Variants in CCDC18 observed in about 807,000 individuals in gnomAD.
CCDC18 encodes coiled-coil domain-containing protein 18.
CCDC18 carries 157 observed loss-of-function variants against 196.0 expected under a neutral mutation model. The observed-to-expected ratio is 0.80, with a 90% CI of 0.70 to 0.91. The LOEUF (loss-of-function observed/expected upper bound fraction) is 0.91, where lower values mean the gene tolerates loss of function less well. Ranked by LOEUF, CCDC18 falls within the 40% of genes least tolerant of loss-of-function variation. The pLI is 0.00. For missense variants in CCDC18, 1,465 were observed against 1,611.6 expected (o/e 0.91, Z 1.56); for synonymous variants, 482 against 529.2 (o/e 0.91, Z 1.22).
At chr1:93,260,384 C>CA (rs1376859837) in intron 26 of CCDC18, among the ~76,000 whole-genome samples, 5 of 151,188 alleles carry the variant, frequency 3.3e-5, no homozygotes, top group Non-Finnish European at 7.4e-5. Context: ...AACTCCGTCT[C>CA]AAAAAAAATA....
chr1:93,211,275 T>A (rs1655599861), intron 10 of CCDC18, among the ~76,000 whole-genome samples: 1 of 140,168 alleles, frequency 7.1e-6, no homozygotes. Flanking sequence ...GAGACTCCAT[T>A]AAAAAAAAAA....
chr1:93,236,918 T>C (rs1660144478), intron 19 of CCDC18, among the ~76,000 whole-genome samples: 1 of 152,210 alleles, frequency 6.6e-6, no homozygotes, highest in Admixed American at 6.5e-5. Context: ...TTAATTTGGC[T>C]AGGCTGGTCC....
At chr1:93,257,186 C>A (rs530404665) in intron 25 of CCDC18, among the ~76,000 whole-genome samples, 1 of 126,298 alleles carries the variant, frequency 7.9e-6, no homozygotes, top group African/African-American at 3.0e-5. Context: ...GAGCTGAAGT[C>A]GTGCCACTGC....
chr1:93,202,969 A>G (rs571641204), intron 7 of CCDC18, among the ~76,000 whole-genome samples: 24 of 152,230 alleles, frequency 1.6e-4, no homozygotes, highest in African/African-American at 5.5e-4. Flanking sequence ...CTGCTAGGCT[A>G]TCTCAAAGAT....
intron 21 of CCDC18, among the ~76,000 whole-genome samples, chr1:93,244,966 A>C (rs553722465): frequency 6.6e-6 from 1 of 152,312 alleles, no homozygotes; most frequent in South Asian, 2.1e-4. Context: ...ACTCTAAAGT[A>C]GCCACCCAGT....
rs1408164865 is a variant in CCDC18, at chr1:93,270,791, C to T, written c.4330C>T (p.Gln1444Ter). Reference sequence around the variant, plus strand: ...AAGACTATTAAAAAAGTCTTCTATGCAAACAGGTGCTGGTTTAAATCAGGT... The same window carrying T: ...AAGACTATTAAAAAAGTCTTCTATGTAAACAGGTGCTGGTTTAAATCAGGT... ...EVRLLKKSSM[Q>*]TGAGLNQGEN... Residue 1444 changes from glutamine (Q) to a stop codon, truncating the protein, a stop_gained, in exon 28 of 29, where the codon CAA (glutamine) becomes TAA (stop). Coordinates refer to ENST00000690025, the MANE Select transcript of CCDC18 (RefSeq NM_001378204.1). LOFTEE classifies it high-confidence loss of function. The T allele has an allele frequency of 1.9e-6, 3 of 1,539,036 alleles. No individual in the cohort carries two copies. The highest frequency in any genetic ancestry group is 2.1e-5 in the Admixed American group (1 of 48,374).
At position 93,180,860 on chromosome 1, in the gene CCDC18, T is replaced by A; in HGVS notation, c.-3+8T>A. On this transcript the variant is annotated splice_region_variant and intron_variant, in intron 1 of 28. Coordinates refer to ENST00000690025, the MANE Select transcript of CCDC18 (RefSeq NM_001378204.1). ...GAAGCGCGCAGTCGCCGGGTGGGTCTCTCCCCAGCGACGATTTGGGTGGTG... is the reference window on the plus strand; with the variant it reads ...GAAGCGCGCAGTCGCCGGGTGGGTCACTCCCCAGCGACGATTTGGGTGGTG... 7.3e-7 allele frequency: 1 copy of A among 1,366,022 alleles called. No individual in the cohort carries two copies. Among genetic ancestry groups the A allele is most frequent in the Non-Finnish European group, 9.8e-7 (1 of 1,021,948 alleles). 84.6% of individuals were successfully genotyped at this position (1,366,022 alleles called of 1,614,324 possible).
At chr1:93,190,445 C>G (rs1218175103) in intron 4 of CCDC18, among the ~76,000 whole-genome samples, 1 of 152,148 alleles carries the variant, frequency 6.6e-6, no homozygotes, top group African/African-American at 2.4e-5. Context: ...CGAGATCGCG[C>G]CACTGCACTC....
At chr1:93,271,257 T>G in intron 28 of CCDC18, 2 of 985,404 alleles carry the variant, frequency 2.0e-6, no homozygotes, top group Non-Finnish European at 2.4e-6. Context: ...CCTTGGAAAG[T>G]TGATTTACTG....
chr1:93,180,492 A>G, upstream of CCDC18: 8 of 1,526,268 alleles, frequency 5.2e-6, no homozygotes, highest in Non-Finnish European at 7.1e-6. Flanking sequence ...GCCAGGCGTG[A>G]GCGCCGCCCG....
chr1:93,221,598 T>A lies in CCDC18; in HGVS notation c.1963-11T>A. The A allele has an allele frequency of 6.8e-7, 1 of 1,481,302 alleles. No individual in the cohort carries two copies. The highest frequency in any genetic ancestry group is 8.9e-7 in the Non-Finnish European group (1 of 1,119,264). 91.8% of individuals were successfully genotyped at this position (1,481,302 alleles called of 1,614,324 possible). A position where few individuals can be genotyped will look rare whatever the true frequency, so the allele number is the denominator to read the frequency against. ...AAATATTTAATATGAAAATTCTGTT[T>A]TCATGTTTAGCTTGAAGCTCAACTA... On this transcript the variant is annotated splice_polypyrimidine_tract_variant and intron_variant, in intron 14 of 28. Transcript: ENST00000690025.
rs17131715 is a variant in CCDC18 at position 93,275,807 on chromosome 1, T to C, written c.4354-2656T>C. Among the ~76,000 whole-genome samples, 944 of 152,364 alleles carry C rather than the reference T, an allele frequency of 6.2e-3. 7 individuals carry two copies. Among genetic ancestry groups the C allele is most frequent in the African/African-American group, 0.021 (892 of 41,594 alleles). ...ATTCGTTCACTGCCACACTTGACTT[T>C]AGTAGAATTTTTAGTAACTGTCTTT... is the stretch of plus-strand genomic sequence containing the variant. On this transcript the variant is annotated intron_variant, in intron 28 of 28. Transcript: ENST00000690025.
chr1:93,246,699 G>A, intron 22 of CCDC18, 139 bp from the exon 23 acceptor site: 1 of 497,616 alleles, frequency 2.0e-6, no homozygotes. Context: ...TTATACTAAA[G>A]CAAAGAGCAT....
At chr1:93,250,378 CAAAA>C (rs71094242) in intron 23 of CCDC18, among the ~76,000 whole-genome samples, 1 of 89,426 alleles carries the variant, frequency 1.1e-5, no homozygotes, top group Non-Finnish European at 2.4e-5. Flanking sequence ...GAGACCCTGT[CAAAA>C]AAAAAAAAAA....
At chr1:93,268,267 A>C (rs1008304152) in intron 27 of CCDC18, among the ~76,000 whole-genome samples, 1 of 152,264 alleles carries the variant, frequency 6.6e-6, no homozygotes, top group Non-Finnish European at 1.5e-5. Flanking sequence ...CCTTATACAA[A>C]AATTAATTCA....
Position 93,217,881 on chromosome 1 carries a change from A to G in CCDC18, c.1962+12A>G, listed in dbSNP as rs771776689. 3.1e-6 allele frequency: 5 copies of G among 1,588,726 alleles called. No individual in the cohort carries two copies. The highest frequency in any genetic ancestry group is 4.3e-6 in the Non-Finnish European group (5 of 1,163,938). ...AGCAGATTGAAAGAGTAAGTAATAC[A>G]TATTTAGAATATGAGTGCTGAAAAG... is the stretch of plus-strand genomic sequence containing the variant. On this transcript the variant is annotated intron_variant, in intron 14 of 28. Coordinates refer to ENST00000690025, the MANE Select transcript of CCDC18 (RefSeq NM_001378204.1).
intron 21 of CCDC18, among the ~76,000 whole-genome samples, chr1:93,241,003 G>T (rs1464893515): frequency 6.6e-6 from 1 of 151,864 alleles, no homozygotes; most frequent in Non-Finnish European, 1.5e-5. Context: ...TCTTGCCCAG[G>T]TTGGAGTGCA....
intron 26 of CCDC18, among the ~76,000 whole-genome samples, chr1:93,261,171 C>T (rs1015216498): frequency 1.3e-5 from 2 of 151,966 alleles, no homozygotes; most frequent in Non-Finnish European, 2.9e-5. Context: ...ATTTCCAGTT[C>T]GAGATCAACA....
chr1:93,184,741 A>G (rs1335439473), intron 3 of CCDC18, among the ~76,000 whole-genome samples: 2 of 151,978 alleles, frequency 1.3e-5, no homozygotes, highest in African/African-American at 4.8e-5. Flanking sequence ...ATATACACAG[A>G]TATGGTTGCA....
Sources: gnomAD v4.1 joint callset for allele counts (sites outside exome capture counted in the v4.1 genomes callset) on GRCh38, gnomAD v4.1.1 for gene constraint, MANE v1.5 for transcripts, NCBI Gene and HGNC (gene_info 2026-07-23, HGNC 2026-07-21) for gene names.